The following PPP1R9A variants were observed in gnomAD, a reference collection of about 807,000 sequenced individuals.
PPP1R9A encodes the protein neurabin-1.
Under a neutral mutation model 141.9 loss-of-function variants are expected in PPP1R9A, and 59 were observed. The ratio of observed to expected loss-of-function variants is 0.42; its 90% CI spans 0.34 to 0.52. PPP1R9A has a LOEUF of 0.52. Among genes scored for constraint, PPP1R9A ranks in the 20% least tolerant of loss-of-function variants. The probability of loss-of-function intolerance (pLI) is 0.10; values close to 1 mark genes in which losing one functional copy is unlikely to be tolerated. For missense variants in PPP1R9A, 1,444 were observed against 1,611.9 expected, an observed-to-expected ratio of 0.90 and a Z score of 1.78; for synonymous variants, 500 against 569.7, an observed-to-expected ratio of 0.88 and a Z score of 1.74.
In PPP1R9A at chr7:95,237,377, G is replaced by A. The variant is rs184261439; in HGVS notation, c.2113-10096G>A. ...CACCCAGCTAATTTTTGTATTTTTA[G>A]TAGAGACGTGGTTTCGCCATGTTGG... On this transcript the variant is annotated intron_variant, in intron 8 of 19. Coordinates refer to ENST00000433360, the MANE Select transcript of PPP1R9A (RefSeq NM_001166160.2). 3.1e-3 allele frequency among the ~76,000 whole-genome samples: 466 copies of A among 151,742 alleles called. 1 individual carries two copies. Among genetic ancestry groups the A allele is most frequent in the Non-Finnish European group, 4.6e-3 (310 of 67,904 alleles).
chr7:95,073,217 CG>C (rs1462003890), intron 2 of PPP1R9A, among the ~76,000 whole-genome samples: 1 of 151,450 alleles, frequency 6.6e-6, no homozygotes, highest in Non-Finnish European at 1.5e-5. Context: ...AACTCCTGAC[CG>C]CAGGTGATCC....
chr7:95,030,052 A>G (rs941944811), intron 2 of PPP1R9A, among the ~76,000 whole-genome samples: 3 of 152,192 alleles, frequency 2.0e-5, no homozygotes, highest in African/African-American at 7.2e-5. Flanking sequence ...CGCTAACTCT[A>G]TTTTAGCCCT....
At chr7:95,038,441 C>T (rs1584392611) in intron 2 of PPP1R9A, among the ~76,000 whole-genome samples, 1 of 152,244 alleles carries the variant, frequency 6.6e-6, no homozygotes. Context: ...TAAGGAACCC[C>T]ACCAGTTTCT....
At position 95,290,277 on chromosome 7, in the gene PPP1R9A, A is replaced by G. The variant is rs958853418; in HGVS notation, c.4099A>G (p.Thr1367Ala). ...AAAGACAGAAAAGATGACGTCAACTACAGCCGAGGGTGCTGGTGAGCAGTA... is the reference window on the plus strand; with the variant it reads ...AAAGACAGAAAAGATGACGTCAACTGCAGCCGAGGGTGCTGGTGAGCAGTA... ...SKKTEKMTST[T>A]AEGAGEQ Residue 1367 changes from threonine to alanine, a missense_variant, in exon 20 of 20, where the codon ACA becomes GCA. Thr to Ala is a moderately conservative substitution (Grantham distance 58). Around this residue, in one of 5 missense-constraint regions of PPP1R9A, gnomAD observed 459 missense variants for 513.8 expected, o/e 0.89. Transcript: ENST00000433360. 3.7e-6 allele frequency: 6 copies of G among 1,611,922 alleles called. No homozygotes were observed. Among genetic ancestry groups the G allele is most frequent in the Non-Finnish European group, 5.1e-6 (6 of 1,178,916 alleles).
At chr7:95,217,885 C>G (rs182273796) in intron 7 of PPP1R9A, among the ~76,000 whole-genome samples, 1 of 152,130 alleles carries the variant, frequency 6.6e-6, no homozygotes, top group Admixed American at 6.6e-5. Flanking sequence ...GTCTTGCTAT[C>G]AGTCTATCAA....
chr7:95,207,702 G>A (rs1297365027), intron 7 of PPP1R9A, among the ~76,000 whole-genome samples: 3 of 152,078 alleles, frequency 2.0e-5, no homozygotes, highest in African/African-American at 7.2e-5. Flanking sequence ...CACATATGAT[G>A]AGATTGTCTA....
At chr7:95,244,655 T>G (rs954154362) in intron 8 of PPP1R9A, among the ~76,000 whole-genome samples, 2 of 152,222 alleles carry the variant, frequency 1.3e-5, no homozygotes, top group African/African-American at 4.8e-5. Flanking sequence ...GAATCTGCCC[T>G]TTTGATTTCT....
chr7:95,025,076 C>CT lies in PPP1R9A; in HGVS notation c.1396-86172dup, dbSNP rs879530822. Among the ~76,000 whole-genome samples the CT allele has an allele frequency of 6.2e-4, 90 of 145,014 alleles. 1 individual carries two copies. Among genetic ancestry groups the CT allele is most frequent in the East Asian group, 1.4e-3 (7 of 4,942 alleles). ...GGTATGAAATTCTGGGTTGAAAATC[C>CT]TTTTTTTTTTTGAGATGGAGTCTCG... is the stretch of plus-strand genomic sequence containing the variant. On this transcript the variant is annotated intron_variant, in intron 2 of 19. Coordinates refer to ENST00000433360, the MANE Select transcript of PPP1R9A (RefSeq NM_001166160.2).
chr7:94,966,937 T>C (rs547042431), intron 2 of PPP1R9A, among the ~76,000 whole-genome samples: 1 of 152,308 alleles, frequency 6.6e-6, no homozygotes, highest in Non-Finnish European at 1.5e-5. Flanking sequence ...TGTGAATTCG[T>C]CTGGTCCTGG....
chr7:95,070,593 G>GTATATATATATA lies in PPP1R9A; in HGVS notation c.1396-40659_1396-40648dup, dbSNP rs71961632. On this transcript the variant is annotated intron_variant, in intron 2 of 19. Coordinates refer to ENST00000433360, the MANE Select transcript of PPP1R9A (RefSeq NM_001166160.2). ...ATTTCAATTATTTTTTAAATCTCTG[G>GTATATATATATA]TATATATATATATATATACACACAC... Among the ~76,000 whole-genome samples the GTATATATATATA allele has an allele frequency of 2.6e-3, 292 of 111,854 alleles. 14 individuals are homozygous for GTATATATATATA. Among genetic ancestry groups the GTATATATATATA allele is most frequent in the African/African-American group, 6.2e-3 (173 of 27,870 alleles). The allele number at this position is 111,854 out of a possible 152,430, so 73.4% of individuals were successfully genotyped here.
At chr7:95,033,556 G>A (rs183824621) in intron 2 of PPP1R9A, among the ~76,000 whole-genome samples, 1 of 152,018 alleles carries the variant, frequency 6.6e-6, no homozygotes, top group Admixed American at 6.6e-5. Flanking sequence ...TTGATGGTTA[G>A]TGCTTTTTGT....
At chr7:94,974,197 C>T (rs1027179950) in intron 2 of PPP1R9A, among the ~76,000 whole-genome samples, 1 of 152,024 alleles carries the variant, frequency 6.6e-6, no homozygotes, top group Non-Finnish European at 1.5e-5. Context: ...GTATTAGGAT[C>T]GCCTAAGGAG....
At chr7:95,063,249 A>G (rs1812487356) in intron 2 of PPP1R9A, among the ~76,000 whole-genome samples, 1 of 152,168 alleles carries the variant, frequency 6.6e-6, no homozygotes, top group Admixed American at 6.5e-5. Flanking sequence ...GTGACCCTGT[A>G]TATGTGCCTT....
chr7:94,975,356 G>GTTTTTTTTTTTTTTTTTTTTTTTTT (rs68186534), intron 2 of PPP1R9A, among the ~76,000 whole-genome samples: 1 of 120,714 alleles, frequency 8.3e-6, no homozygotes, highest in Non-Finnish European at 1.8e-5. Flanking sequence ...GTTTTTTTTT[G>GTTTTTTTTTTTTTTTTTTTTTTTTT]TTTTTTTTTT....
intron 2 of PPP1R9A, among the ~76,000 whole-genome samples, chr7:95,059,122 A>G (rs904727979): frequency 1.3e-5 from 2 of 152,088 alleles, no homozygotes; most frequent in Non-Finnish European, 2.9e-5. Context: ...TTAGTTATTC[A>G]TGTATCACCT....
intron 7 of PPP1R9A, among the ~76,000 whole-genome samples, chr7:95,204,642 T>C (rs1208177013): frequency 2.9e-4 from 30 of 103,456 alleles, no homozygotes; most frequent in African/African-American, 1.1e-3. Flanking sequence ...CACATACCCA[T>C]GCACACACAC....
At chr7:95,056,203 T>G (rs1217797253) in intron 2 of PPP1R9A, among the ~76,000 whole-genome samples, 2 of 152,172 alleles carry the variant, frequency 1.3e-5, no homozygotes, top group Non-Finnish European at 2.9e-5. Context: ...ACCTATGGAT[T>G]TGTGTGCTAA....
At chr7:95,260,855 A>G (rs865870453) in intron 12 of PPP1R9A, among the ~76,000 whole-genome samples, 11 of 152,160 alleles carry the variant, frequency 7.2e-5, no homozygotes, top group African/African-American at 2.4e-4. Flanking sequence ...AGTAAAGATC[A>G]TTTTAACCCA....
At chr7:94,921,446 CAAAA>C (rs201039573) in intron 2 of PPP1R9A, among the ~76,000 whole-genome samples, 2 of 92,116 alleles carry the variant, frequency 2.2e-5, no homozygotes, top group Admixed American at 1.2e-4. Context: ...GACTCCGGCT[CAAAA>C]AAAAAAAAAA....
Sources: allele counts gnomAD v4.1 joint callset (sites outside exome capture counted in the v4.1 genomes callset), GRCh38; gene constraint gnomAD v4.1.1; regional missense constraint gnomAD v4.1.1; transcripts MANE v1.5; gene names NCBI Gene and HGNC (gene_info 2026-07-23, HGNC 2026-07-21).